Variants in DMC1 observed in about 807,000 individuals in gnomAD.
The protein encoded by DMC1 is meiotic recombination protein DMC1 homolog.
Under a neutral mutation model 50.1 loss-of-function variants are expected in DMC1, and 27 were observed. The ratio of observed to expected loss-of-function variants is 0.54; its 90% CI spans 0.40 to 0.74. DMC1 has a LOEUF of 0.74. DMC1 is among the 30% of genes least tolerant of loss of function. The pLI is 0.00. For missense variants in DMC1, 295 were observed against 420.2 expected (o/e 0.70, Z 2.60); for synonymous variants, 148 against 136.1 (o/e 1.09, Z -0.61).
chr22:38,566,726 T>A lies in DMC1; in HGVS notation c.107A>T (p.Asp36Val). 1 of 1,614,018 alleles carries A rather than the reference T, an allele frequency of 6.2e-7. No homozygotes were observed. The highest frequency in any genetic ancestry group is 8.5e-7 in the Non-Finnish European group (1 of 1,179,914). ...TCCTACTGATTTCAGTTTCTTAATG[T>A]CAGCCACGTTCTGTAAATTAAAGAA... is the stretch of plus-strand genomic sequence containing the variant. Reference protein sequence around the residue: ...LLQKHGINVADIKKLKSVGIC... With the variant: ...LLQKHGINVAVIKKLKSVGIC... The change falls in exon 4 of 14, where the codon GAC becomes GTC. Residue 36 changes from aspartate to valine, a missense_variant. Asp to Val is a radical substitution (Grantham distance 152). Transcript: ENST00000216024.
Position 38,567,596 on chromosome 22 carries a change from T to C in DMC1, c.83A>G (p.Gln28Arg). 1 of 1,610,594 alleles carries C rather than the reference T, an allele frequency of 6.2e-7. No homozygotes were observed. The highest frequency in any genetic ancestry group is 2.2e-5 in the East Asian group (1 of 44,862). Residue 28 changes from glutamine (Q) to arginine (R), a missense_variant, in exon 3 of 14, where the codon CAG becomes CGG. Physicochemically the swap from Gln to Arg is conservative, Grantham distance 43 (BLOSUM62 1). Coordinates refer to ENST00000216024, the MANE Select transcript of DMC1 (RefSeq NM_007068.4). ...AAAACTACTTACAATTCCATGTTTC[T>C]GTAACAGGTCAATATCTTGAAACAA... ...ESLFQDIDLL[Q>R]KHGINVADIK...
Sources: gnomAD v4.1 joint callset for allele counts on GRCh38, gnomAD v4.1.1 for gene constraint, MANE v1.5 for transcripts, NCBI Gene and HGNC (gene_info 2026-07-23, HGNC 2026-07-21) for gene names.